The following PIGG variants were observed in gnomAD, a reference collection of about 807,000 sequenced individuals.
PIGG encodes the protein GPI ethanolamine phosphate transferase 2, catalytic subunit.
A neutral mutation model predicts 83.2 loss-of-function variants in PIGG; 70 were observed. That is an observed-to-expected ratio of 0.84 (90% confidence interval 0.69 to 1.03). The LOEUF (loss-of-function observed/expected upper bound fraction) is 1.03, where lower values mean the gene tolerates loss of function less well. Ranked by LOEUF, PIGG falls within the 50% of genes least tolerant of loss-of-function variation. The probability of loss-of-function intolerance (pLI) is 0.00; values close to 1 mark genes in which losing one functional copy is unlikely to be tolerated. For missense variants in PIGG, 1,257 were observed against 1,233.6 expected (o/e 1.02, Z -0.28); for synonymous variants, 532 against 519.5 (o/e 1.02, Z -0.33).
At chr4:536,992 C>T (rs1730818670) in intron 12 of PIGG, 2 of 152,098 alleles carry the variant, frequency 1.3e-5, no homozygotes, top group South Asian at 4.1e-4. Flanking sequence ...CAGCCAGGCA[C>T]GTTTGTGTTT....
chr4:500,530 G>A lies in PIGG; in HGVS notation c.289G>A (p.Val97Met). 6.2e-7 allele frequency: 1 copy of A among 1,613,778 alleles called. No homozygotes were observed. The highest frequency in any genetic ancestry group is 8.5e-7 in the Non-Finnish European group (1 of 1,179,642). Residue 97 changes from valine (V) to methionine (M), a missense_variant, in exon 2 of 13, where the codon GTG (valine) becomes ATG (methionine). By Grantham distance (21) the Val-to-Met change is conservative. Coordinates refer to ENST00000453061, the MANE Select transcript of PIGG (RefSeq NM_001127178.3). The part of the protein sequence containing the change: ...VKFMPYTTYL[V>M]EKGASHSFVA... ...ATTTATGCCCTACACAACTTACCTT[G>A]TGGAAAAAGGAGCATCTCACAGTTT...
chr4:539,624 T>A lies in PIGG; in HGVS notation c.*255T>A. 2.5e-6 allele frequency: 1 copy of A among 405,220 alleles called. No homozygotes were observed. The highest frequency in any genetic ancestry group is 4.4e-6 in the Non-Finnish European group (1 of 225,120). 25.1% of individuals were successfully genotyped at this position (405,220 alleles called of 1,614,324 possible). A position where few individuals can be genotyped will look rare whatever the true frequency, so the allele number is the denominator to read the frequency against. On this transcript the variant is annotated 3_prime_UTR_variant, in exon 13 of 13. Transcript: ENST00000453061. ...TAAGCTATGGTGTGACCCAAATATG[T>A]GTGTTTAAATCAATGAATGAAAAGG...
chr4:509,100 A>G (rs1720950864), intron 5 of PIGG, 130 bp downstream of exon 5: 1 of 667,074 alleles, frequency 1.5e-6, no homozygotes, highest in Non-Finnish European at 2.5e-6. Context: ...TGAGCATGAA[A>G]AGTAATTGGG....
chr4:522,098 G>A lies in PIGG; in HGVS notation c.1614+157G>A, dbSNP rs1355348805. 6.2e-4 allele frequency: 466 copies of A among 751,196 alleles called. 5 individuals are homozygous for A. The highest frequency in any genetic ancestry group is 4.8e-5 in the Non-Finnish European group (21 of 437,244). 46.5% of individuals were successfully genotyped at this position (751,196 alleles called of 1,614,324 possible). A position where few individuals can be genotyped will look rare whatever the true frequency, so the allele number is the denominator to read the frequency against. Reference sequence around the variant, plus strand: ...GACAGGGGGCCTCAGGGAAGGACGTGGAGCAGCCTTATCCCAGGCCTCTGG... The same window carrying A: ...GACAGGGGGCCTCAGGGAAGGACGTAGAGCAGCCTTATCCCAGGCCTCTGG... On this transcript the variant is annotated intron_variant, in intron 8 of 12. Coordinates refer to ENST00000453061, the MANE Select transcript of PIGG (RefSeq NM_001127178.3).
At position 508,840 on chromosome 4, in the gene PIGG, G is replaced by A. The variant is rs35496504; in HGVS notation, c.771G>A (p.Thr257=). 5.2e-4 allele frequency: 843 copies of A among 1,613,918 alleles called. 5 individuals carry two copies. The African/African-American group carries it at 9.4e-3, about 18-fold the overall frequency. The change falls in exon 5 of 13, where the codon ACG becomes ACA. Residue 257 remains threonine (T), a synonymous_variant. Coordinates refer to ENST00000453061, the MANE Select transcript of PIGG (RefSeq NM_001127178.3). ...CCTTTGCCTTAAAGGAGAGAGAGAC[G>A]CCTTTACCCAATTTGCTGGTTCTTT... The part of the protein sequence containing the change: ...HTSLQSKERE[T]PLPNLLVLCG...
chr4:524,393 C>T (rs1207495167), intron 9 of PIGG, among the ~76,000 whole-genome samples: 1 of 152,210 alleles, frequency 6.6e-6, no homozygotes, highest in East Asian at 1.9e-4. Flanking sequence ...GCTCTGCGGG[C>T]TGCACAGGAG....
Position 521,225 on chromosome 4 carries a change from C to A in PIGG, c.1284C>A (p.Ala428=). 6.2e-7 allele frequency: 1 copy of A among 1,614,012 alleles called. No homozygotes were observed. Among genetic ancestry groups the A allele is most frequent in the Non-Finnish European group, 8.5e-7 (1 of 1,180,006 alleles). The change falls in exon 7 of 13, where the codon GCC becomes GCA. Residue 428 remains alanine (A), a synonymous_variant. Transcript: ENST00000453061. ...TLSLSLSAQV[A]QYDIYSMMVG... ...GCTTGTCCCTGAGTGCACAAGTGGC[C>A]CAGTACGACATCTATTCGATGATGG...
chr4:539,426 T>C lies in PIGG; in HGVS notation c.*57T>C. 2 of 1,045,982 alleles carry C rather than the reference T, an allele frequency of 1.9e-6. No individual in the cohort carries two copies. The highest frequency in any genetic ancestry group is 2.8e-6 in the Non-Finnish European group (2 of 701,762). 64.8% of individuals were successfully genotyped at this position (1,045,982 alleles called of 1,614,324 possible). A position where few individuals can be genotyped will look rare whatever the true frequency, so the allele number is the denominator to read the frequency against. On this transcript the variant is annotated 3_prime_UTR_variant, in exon 13 of 13. Coordinates refer to ENST00000453061, the MANE Select transcript of PIGG (RefSeq NM_001127178.3). Reference sequence around the variant, plus strand: ...CTTAAAGTCTGCTGTTATTCTAAAATGAAAGATATGAATTCAACAAAGTTG... The same window carrying C: ...CTTAAAGTCTGCTGTTATTCTAAAACGAAAGATATGAATTCAACAAAGTTG...
chr4:528,188 TG>T lies in PIGG; in HGVS notation c.2261+959del. ...ATTTTCACAGAACAGAGAAGCATGT[TG>T]TGGAACAGGTATGACCCCAGCTTAC... is the stretch of plus-strand genomic sequence containing the variant. On this transcript the variant is annotated intron_variant, in intron 10 of 12. Coordinates refer to ENST00000453061, the MANE Select transcript of PIGG (RefSeq NM_001127178.3). The surrounding 1 kb of genome is among the most constrained non-coding windows in gnomAD (Gnocchi z 4.8). 1 of 985,158 alleles carries T rather than the reference TG, an allele frequency of 1.0e-6. No individual in the cohort carries two copies. Among genetic ancestry groups the T allele is most frequent in the East Asian group, 1.1e-4 (1 of 8,810 alleles). The allele number at this position is 985,158 out of a possible 1,614,324, so 61.0% of individuals were successfully genotyped here. A position where few individuals can be genotyped will look rare whatever the true frequency, so the allele number is the denominator to read the frequency against.
intron 4 of PIGG, 31 bp downstream of exon 4, chr4:507,624 A>G (rs782008847): frequency 9.5e-6 from 15 of 1,572,112 alleles, no homozygotes; most frequent in Non-Finnish European, 6.9e-6. Flanking sequence ...CTGTCTGCTG[A>G]TGTGGTTTCA....
intron 10 of PIGG, 80 bp from the exon 11 acceptor site, chr4:530,356 A>C: frequency 3.1e-6 from 3 of 962,004 alleles, no homozygotes; most frequent in Non-Finnish European, 4.9e-6. Flanking sequence ...CTGGGTAGAT[A>C]GGTGTGTTTT....
chr4:527,242 G>A lies in PIGG; in HGVS notation c.2261+12G>A. ...AAGGACATTTCCAAGTAAGTGCGTG[G>A]CGGACACGGGGTGCATAGAGCCACT... On this transcript the variant is annotated intron_variant, in intron 10 of 12. Transcript: ENST00000453061. The A allele has an allele frequency of 6.4e-7, 1 of 1,569,022 alleles. No individual in the cohort carries two copies. The highest frequency in any genetic ancestry group is 8.6e-7 in the Non-Finnish European group (1 of 1,158,464).
chr4:532,483 G>C (rs1017988630), intron 11 of PIGG: 3 of 152,320 alleles, frequency 2.0e-5, no homozygotes, highest in African/African-American at 7.2e-5. Flanking sequence ...GCTTCCAAGT[G>C]GAGGAGACAC....
rs144029286 is a variant in PIGG, at chr4:516,158, C to G, written c.1087C>G (p.Gln363Glu). The G allele has an allele frequency of 9.3e-6, 15 of 1,613,174 alleles. No individual in the cohort carries two copies. The highest frequency in any genetic ancestry group is 1.6e-4 in the Middle Eastern group (1 of 6,082). ...TACAGTGCAGCTTAGTAAACTGTTG[C>G]AAGAGAATGTGCCGTCATATGAAAA... ...LNTVQLSKLLQENVPSYEKDP... is the reference protein window; with the variant it reads ...LNTVQLSKLLEENVPSYEKDP... Residue 363 changes from glutamine to glutamate, a missense_variant, in exon 6 of 13, where the codon CAA (glutamine) becomes GAA (glutamate). Physicochemically the swap from Gln to Glu is conservative, Grantham distance 29. Coordinates refer to ENST00000453061, the MANE Select transcript of PIGG (RefSeq NM_001127178.3).
chr4:503,050 A>C (rs1199879620), intron 2 of PIGG, among the ~76,000 whole-genome samples: 5 of 152,170 alleles, frequency 3.3e-5, no homozygotes, highest in Non-Finnish European at 5.9e-5. Flanking sequence ...TAATCAGAGC[A>C]GGGCAAACAA....
rs1553875118 is a variant in PIGG at position 500,498 on chromosome 4, G to A, written c.257G>A (p.Gly86Asp). 1.9e-6 allele frequency: 3 copies of A among 1,613,246 alleles called. No individual in the cohort carries two copies. The South Asian group carries it at 3.3e-5, about 18-fold the overall frequency. ...GATGATTTTGTGTTTGGGTCAAAGG[G>A]TGTGAAATTTATGCCCTACACAACT... ...LRDDFVFGSK[G>D]VKFMPYTTYL... The change falls in exon 2 of 13, where the codon GGT becomes GAT. Residue 86 changes from glycine (G) to aspartate (D), a missense_variant. Physicochemically the swap from Gly to Asp is moderately conservative, Grantham distance 94. Coordinates refer to ENST00000453061, the MANE Select transcript of PIGG (RefSeq NM_001127178.3).
chr4:507,262 T>C (rs1720045589), intron 3 of PIGG, 143 bp from the exon 4 acceptor site: 1 of 641,864 alleles, frequency 1.6e-6, no homozygotes, highest in South Asian at 2.0e-5. Flanking sequence ...TTTAATGACA[T>C]AGATTTTGTT....
At chr4:525,334 G>T in intron 9 of PIGG, 3 of 985,428 alleles carry the variant, frequency 3.0e-6, no homozygotes, top group African/African-American at 3.5e-5. Context: ...AATTTTAATT[G>T]TCTGGCAGTG....
Position 539,641 on chromosome 4 carries a change from A to C in PIGG, c.*272A>C. 1 of 347,132 alleles carries C rather than the reference A, an allele frequency of 2.9e-6. No individual in the cohort carries two copies. The highest frequency in any genetic ancestry group is 5.3e-6 in the Non-Finnish European group (1 of 189,206). 21.5% of individuals were successfully genotyped at this position (347,132 alleles called of 1,614,324 possible). ...CAAATATGTGTGTTTAAATCAATGA[A>C]TGAAAAGGTTCTGGACTTTGTTAGA... is the stretch of plus-strand genomic sequence containing the variant. On this transcript the variant is annotated 3_prime_UTR_variant, in exon 13 of 13. Transcript: ENST00000453061.
Sources: allele counts gnomAD v4.1 joint callset (sites outside exome capture counted in the v4.1 genomes callset), GRCh38; gene constraint gnomAD v4.1.1; non-coding constraint Gnocchi (gnomAD v3.1); transcripts MANE v1.5; gene names NCBI Gene and HGNC (gene_info 2026-07-23, HGNC 2026-07-21).